SLC25A21: variants seen among roughly 807,000 people sequenced by gnomAD.
SLC25A21 encodes the protein mitochondrial 2-oxodicarboxylate carrier.
Under a neutral mutation model 43.8 loss-of-function variants are expected in SLC25A21, and 47 were observed. The observed-to-expected ratio is 1.07, with a 90% CI of 0.85 to 1.37. SLC25A21 has a LOEUF of 1.37. Ranked by LOEUF, SLC25A21 falls within the 40% of genes most tolerant of loss-of-function variation. The probability of loss-of-function intolerance (pLI) is 0.00; values close to 1 mark genes in which losing one functional copy is unlikely to be tolerated. For synonymous variants in SLC25A21, 131 were observed against 121.3 expected, an observed-to-expected ratio of 1.08 and a Z score of -0.52; for missense variants, 352 against 350.2, an observed-to-expected ratio of 1.00 and a Z score of -0.04.
intron 7 of SLC25A21, among the ~76,000 whole-genome samples, chr14:36,710,662 T>A (rs1883817925): frequency 6.6e-6 from 1 of 152,112 alleles, no homozygotes; most frequent in African/African-American, 2.4e-5. Context: ...ACTCCTGGCA[T>A]CAAGCAATCC....
intron 1 of SLC25A21, among the ~76,000 whole-genome samples, chr14:36,952,941 T>A (rs1381994580): frequency 6.6e-6 from 1 of 152,220 alleles, no homozygotes; most frequent in African/African-American, 2.4e-5. Flanking sequence ...TGGTTACTCA[T>A]CTATCATCAA....
intron 1 of SLC25A21, among the ~76,000 whole-genome samples, chr14:36,973,007 TTTTA>T (rs879699975): frequency 0.11 from 15,804 of 149,056 alleles, 2,290 homozygotes; most frequent in African/African-American, 0.33. Flanking sequence ...TAATTTTTAT[TTTTA>T]TTTATTTATT....
In SLC25A21 at chr14:36,958,679, G is replaced by GCGCGCGCACACA. The variant is rs1399246300; in HGVS notation, c.71-83676_71-83675insTGTGTGCGCGCG. On this transcript the variant is annotated intron_variant, in intron 1 of 9. Coordinates refer to ENST00000331299, the MANE Select transcript of SLC25A21 (RefSeq NM_030631.4). ...TAGAGATGTACACATAAGCACACGT[G>GCGCGCGCACACA]CACACACACACACACACACACACAC... is the stretch of plus-strand genomic sequence containing the variant. Among the ~76,000 whole-genome samples, 33 of 136,972 alleles carry GCGCGCGCACACA rather than the reference G, an allele frequency of 2.4e-4. 2 individuals are homozygous for GCGCGCGCACACA. In the South Asian group the frequency reaches 7.9e-3, roughly 33 times the overall value. The allele number at this position is 136,972 out of a possible 152,430, so 89.9% of individuals were successfully genotyped here.
intron 1 of SLC25A21, among the ~76,000 whole-genome samples, chr14:37,056,193 T>A (rs1961821508): frequency 6.6e-6 from 1 of 152,126 alleles, no homozygotes; most frequent in South Asian, 2.1e-4. Context: ...CTTTTCTTTA[T>A]AAATTACCTA....
In SLC25A21 at chr14:36,897,552, C is replaced by T. The variant is rs551539089; in HGVS notation, c.71-22548G>A. Among the ~76,000 whole-genome samples the T allele has an allele frequency of 7.9e-5, 12 of 152,332 alleles. No individual in the cohort carries two copies. The East Asian group carries it at 2.3e-3, about 29-fold the overall frequency. Reference sequence around the variant, plus strand: ...CTCCCAACTCATCAAAGTCATTCTACGTCCAGCTTTGTTCCGTTGCTGGTG... The same window carrying T: ...CTCCCAACTCATCAAAGTCATTCTATGTCCAGCTTTGTTCCGTTGCTGGTG... On this transcript the variant is annotated intron_variant, in intron 1 of 9. Transcript: ENST00000331299.
intron 6 of SLC25A21, among the ~76,000 whole-genome samples, chr14:36,719,797 A>G (rs1884302862): frequency 1.3e-5 from 2 of 152,172 alleles, no homozygotes; most frequent in Admixed American, 1.3e-4. Flanking sequence ...GTTTATGGCT[A>G]AACTGGGCAG....
rs151243747 is a variant in SLC25A21 at position 37,103,496 on chromosome 14, T to C, written c.70+68785A>G. 6.3e-3 allele frequency among the ~76,000 whole-genome samples: 960 copies of C among 152,324 alleles called. 9 individuals are homozygous for C. Among genetic ancestry groups the C allele is most frequent in the Non-Finnish European group, 8.7e-3 (591 of 68,022 alleles). On this transcript the variant is annotated intron_variant, in intron 1 of 9. Coordinates refer to ENST00000331299, the MANE Select transcript of SLC25A21 (RefSeq NM_030631.4). ...TATAAATGTTACTTCATTTAACTCT[T>C]TCAATAAGCAAGTATAATTTTTCTA...
intron 1 of SLC25A21, among the ~76,000 whole-genome samples, chr14:37,149,523 C>T (rs1463841484): frequency 1.3e-5 from 2 of 152,010 alleles, no homozygotes; most frequent in Non-Finnish European, 1.5e-5. Context: ...GCTGAAACCC[C>T]ATCTCTACTA....
chr14:36,898,188 C>A (rs900370382), intron 1 of SLC25A21, among the ~76,000 whole-genome samples: 1 of 152,192 alleles, frequency 6.6e-6, no homozygotes, highest in Admixed American at 6.5e-5. Context: ...ACACCCAGTT[C>A]GAGCTTCCCG....
intron 3 of SLC25A21, among the ~76,000 whole-genome samples, chr14:36,794,362 T>G (rs186616345): frequency 6.6e-6 from 1 of 152,320 alleles, no homozygotes; most frequent in East Asian, 1.9e-4. Context: ...AGTCTTTTAA[T>G]AGACACACCA....
chr14:36,774,902 T>C (rs555578520), intron 3 of SLC25A21, among the ~76,000 whole-genome samples: 11 of 152,300 alleles, frequency 7.2e-5, no homozygotes, highest in African/African-American at 2.6e-4. Context: ...CTGATACAAA[T>C]TAAAGCAAAA....
chr14:37,012,078 A>G (rs1195231702), intron 1 of SLC25A21, among the ~76,000 whole-genome samples: 1 of 152,180 alleles, frequency 6.6e-6, no homozygotes, highest in Non-Finnish European at 1.5e-5. Context: ...TGCTCTGACT[A>G]TGCCTATCCA....
At chr14:36,772,925 C>G (rs1168275520) in intron 3 of SLC25A21, among the ~76,000 whole-genome samples, 1 of 152,126 alleles carries the variant, frequency 6.6e-6, no homozygotes, top group African/African-American at 2.4e-5. Flanking sequence ...TAAAAATGAA[C>G]ATACCGATTG....
At chr14:37,083,788 T>C (rs951835087) in intron 1 of SLC25A21, among the ~76,000 whole-genome samples, 4 of 152,190 alleles carry the variant, frequency 2.6e-5, no homozygotes, top group East Asian at 3.9e-4. Context: ...AAGCCCTCCA[T>C]GTGACTCTTA....
chr14:37,158,373 A>G (rs903566589), intron 1 of SLC25A21, among the ~76,000 whole-genome samples: 2 of 152,146 alleles, frequency 1.3e-5, no homozygotes, highest in African/African-American at 4.8e-5. Context: ...CATCAAAAAG[A>G]TAATACACCA....
chr14:36,905,519 C>T (rs1188785073), intron 1 of SLC25A21, among the ~76,000 whole-genome samples: 1 of 152,186 alleles, frequency 6.6e-6, no homozygotes, highest in African/African-American at 2.4e-5. Flanking sequence ...GCTGATCTAA[C>T]AGCAGGAACA....
intron 2 of SLC25A21, among the ~76,000 whole-genome samples, chr14:36,819,424 G>T (rs1888555344): frequency 6.6e-6 from 1 of 152,032 alleles, no homozygotes; most frequent in Non-Finnish European, 1.5e-5. Context: ...CATGACTGCA[G>T]CATTTCGCAC....
At chr14:36,843,080 C>CA (rs1330571055) in intron 2 of SLC25A21, among the ~76,000 whole-genome samples, 3 of 152,180 alleles carry the variant, frequency 2.0e-5, no homozygotes, top group Non-Finnish European at 4.4e-5. Flanking sequence ...GCTGATCTGA[C>CA]AGGAGATACA....
At chr14:36,970,795 T>C (rs918890899) in intron 1 of SLC25A21, among the ~76,000 whole-genome samples, 1 of 152,212 alleles carries the variant, frequency 6.6e-6, no homozygotes, top group African/African-American at 2.4e-5. Flanking sequence ...TGATCTAATA[T>C]TTTCATGTAG....
Sources: gnomAD v4.1 joint callset for allele counts (sites outside exome capture counted in the v4.1 genomes callset) on GRCh38, gnomAD v4.1.1 for gene constraint, MANE v1.5 for transcripts, NCBI Gene and HGNC (gene_info 2026-07-23, HGNC 2026-07-21) for gene names.